OSBPL9: variants seen among roughly 807,000 people sequenced by gnomAD.
OSBPL9 encodes oxysterol binding protein like 9, also known as oxysterol-binding protein-related protein 9.
A neutral mutation model predicts 106.6 loss-of-function variants in OSBPL9; 40 were observed. The ratio of observed to expected loss-of-function variants is 0.38; its 90% confidence interval spans 0.29 to 0.49. The LOEUF is 0.49. Among genes scored for constraint, OSBPL9 ranks in the 20% least tolerant of loss-of-function variants. OSBPL9 has a pLI of 0.97. For missense variants in OSBPL9, 609 were observed against 887.2 expected (o/e 0.69, Z 3.98); for synonymous variants, 269 against 295.4 (o/e 0.91, Z 0.92).
chr1:51,588,180 C>T (rs1428476201), intron 1 of OSBPL9, among the ~76,000 whole-genome samples: 1 of 152,078 alleles, frequency 6.6e-6, no homozygotes, highest in Non-Finnish European at 1.5e-5. Context: ...GTCAGGAGTT[C>T]GAGACCAGCC....
At chr1:51,534,264 T>G in the OSBPL9 span, among the ~76,000 whole-genome samples, 1 of 152,160 alleles carries the variant, frequency 6.6e-6, no homozygotes, top group African/African-American at 2.4e-5. Context: ...GTTTTTTTGT[T>G]TTGAACAGTC....
chr1:51,544,885 C>T, the OSBPL9 span, among the ~76,000 whole-genome samples: 6,864 of 141,768 alleles, frequency 0.048, 214 homozygotes, highest in East Asian at 0.11. Flanking sequence ...ACTCTGTCAC[C>T]CAGGCTGGAG....
At chr1:51,772,007 C>T in intron 12 of OSBPL9, 63 bp from the exon 13 acceptor site, 2 of 1,241,538 alleles carry the variant, frequency 1.6e-6, no homozygotes, top group South Asian at 2.6e-5. Context: ...CTGTACGAGT[C>T]TAGCTTACTA....
rs143351932 is a variant in OSBPL9 at position 51,674,968 on chromosome 1, G to T, written c.241+5456G>T. Among the ~76,000 whole-genome samples, 170 of 152,348 alleles carry T rather than the reference G, an allele frequency of 1.1e-3. 1 individual carries two copies. Among genetic ancestry groups the T allele is most frequent in the African/African-American group, 4.0e-3 (166 of 41,570 alleles). On this transcript the variant is annotated intron_variant, in intron 3 of 23. Transcript: ENST00000428468. ...AAAGTTTATGTATTTGTATTGGGCT[G>T]CATTCAAAGCCATCCTGTGCTACAT...
At chr1:51,561,067 T>A in the OSBPL9 span, 1 of 152,136 alleles carries the variant, frequency 6.6e-6, no homozygotes, top group Non-Finnish European at 1.5e-5. Flanking sequence ...TGAAACCCTG[T>A]CTCTACTAAA....
At chr1:51,763,544 T>C (rs1671965285) in intron 11 of OSBPL9, among the ~76,000 whole-genome samples, 1 of 152,180 alleles carries the variant, frequency 6.6e-6, no homozygotes, top group Non-Finnish European at 1.5e-5. Context: ...CATCCTCAGA[T>C]TTTTTTCCCG....
chr1:51,596,258 C>CAA lies in OSBPL9; in HGVS notation c.-422-1846_-422-1845dup, dbSNP rs35791042. 3.7e-3 allele frequency among the ~76,000 whole-genome samples: 180 copies of CAA among 48,126 alleles called. 1 individual carries two copies. Among genetic ancestry groups the CAA allele is most frequent in the Middle Eastern group, 0.014 (1 of 72 alleles). The allele number at this position is 48,126 out of a possible 152,430, so 31.6% of individuals were successfully genotyped here. A position where few individuals can be genotyped will look rare whatever the true frequency, so the allele number is the denominator to read the frequency against. ...TGGGCAACAGAGTGAGACGCTGTCTCAAAAAAAAAAAAAAAAAAAAAGGCC... is the reference window on the plus strand; with the variant it reads ...TGGGCAACAGAGTGAGACGCTGTCTCAAAAAAAAAAAAAAAAAAAAAAAGGCC... On this transcript the variant is annotated intron_variant, in intron 1 of 25. Transcript: ENST00000371714.
Position 51,729,347 on chromosome 1 carries a change from C to T in OSBPL9, c.318+15268C>T, listed in dbSNP as rs72663131. 0.016 allele frequency: 2,419 copies of T among 152,370 alleles called. 26 individuals are homozygous for T. Among genetic ancestry groups the T allele is most frequent in the Non-Finnish European group, 0.023 (1,556 of 68,092 alleles). The allele number at this position is 152,370 out of a possible 1,614,324, so 9.4% of individuals were successfully genotyped here. On this transcript the variant is annotated intron_variant, in intron 4 of 23. Transcript: ENST00000428468. The surrounding 1 kb of genome is among the most constrained non-coding windows in gnomAD (Gnocchi z 5.1). ...GACCAGGCTCCACAGCTGCCATAAA[C>T]TGGATGGCACGTTAGAAGCCGGTGG...
intron 8 of OSBPL9, among the ~76,000 whole-genome samples, chr1:51,751,898 G>T (rs755043220): frequency 6.6e-6 from 1 of 152,106 alleles, no homozygotes; most frequent in African/African-American, 2.4e-5. Context: ...TACGTTTTAG[G>T]GTTCTTCGCA....
Position 51,617,235 on chromosome 1 carries a change from G to T in OSBPL9, c.111+14G>T. The T allele has an allele frequency of 1.2e-6, 2 of 1,601,986 alleles. No homozygotes were observed. Among genetic ancestry groups the T allele is most frequent in the Non-Finnish European group, 1.7e-6 (2 of 1,173,558 alleles). On this transcript the variant is annotated intron_variant, in intron 1 of 23. Coordinates refer to ENST00000428468, the MANE Select transcript of OSBPL9 (RefSeq NM_024586.6). ...TCCTACTACACGGTGAGTCCTTGGA[G>T]GGCACAGCTCCAGGCGCCTCGGGGC...
upstream of OSBPL9, among the ~76,000 whole-genome samples, chr1:51,573,440 C>T (rs1460108844): frequency 3.7e-5 from 5 of 134,096 alleles, no homozygotes; most frequent in South Asian, 7.4e-4. Flanking sequence ...CCTGGGAGGC[C>T]GAGGTTGTGG....
chr1:51,541,093 T>C, the OSBPL9 span, among the ~76,000 whole-genome samples: 1 of 152,248 alleles, frequency 6.6e-6, no homozygotes, highest in Admixed American at 6.5e-5. Flanking sequence ...ATCATGCTAT[T>C]GCACTCCAGC....
chr1:51,705,434 A>G (rs1302310163), intron 3 of OSBPL9, among the ~76,000 whole-genome samples: 1 of 45,724 alleles, frequency 2.2e-5, no homozygotes, highest in East Asian at 1.2e-3. Context: ...TTTTTTTGAG[A>G]CGGAGTTTCG....
At chr1:51,649,103 A>T (rs1050034757) in intron 1 of OSBPL9, among the ~76,000 whole-genome samples, 1 of 151,980 alleles carries the variant, frequency 6.6e-6, no homozygotes, top group Non-Finnish European at 1.5e-5. Flanking sequence ...GCCTCATTTT[A>T]AAAAATGTTT....
chr1:51,724,247 C>G (rs540856818), intron 4 of OSBPL9, among the ~76,000 whole-genome samples: 2 of 152,104 alleles, frequency 1.3e-5, no homozygotes, highest in South Asian at 2.1e-4. Context: ...TGCCTGATCT[C>G]TCTCAGTACT....
At chr1:51,786,751 A>G in intron 22 of OSBPL9, 134 bp downstream of exon 22, 1 of 640,522 alleles carries the variant, frequency 1.6e-6, no homozygotes, top group Non-Finnish European at 2.7e-6. Flanking sequence ...CTGGGTTCGT[A>G]TGTCAGAACT....
the OSBPL9 span, among the ~76,000 whole-genome samples, chr1:51,551,967 A>ATGTGTGTGTGTGTGTGTGTGTGTG: frequency 1.4e-3 from 207 of 145,204 alleles, 2 homozygotes; most frequent in African/African-American, 4.3e-3. Flanking sequence ...GTGAATAGAA[A>ATGTGTGTGTGTGTGTGTGTGTGTG]TGTGTGTGTG....
chr1:51,529,684 C>T, the OSBPL9 span, among the ~76,000 whole-genome samples: 22 of 151,452 alleles, frequency 1.5e-4, no homozygotes, highest in African/African-American at 4.9e-4. Flanking sequence ...AATTCAATGG[C>T]GGAAAGAATA....
chr1:51,616,038 A>T (rs1644050051), upstream of OSBPL9, among the ~76,000 whole-genome samples: 2 of 120,820 alleles, frequency 1.7e-5, no homozygotes, highest in Admixed American at 1.0e-4. Flanking sequence ...TGTGTGAGAG[A>T]GAATTTGGCT....
Sources: allele counts gnomAD v4.1 joint callset (sites outside exome capture counted in the v4.1 genomes callset), GRCh38; gene constraint gnomAD v4.1.1; non-coding constraint Gnocchi (gnomAD v3.1); transcripts MANE v1.5; gene names NCBI Gene and HGNC (gene_info 2026-07-23, HGNC 2026-07-21).